GRSF1: variants seen among roughly 807,000 people sequenced by gnomAD.
GRSF1 encodes the protein G-rich sequence factor 1.
A neutral mutation model predicts 51.1 loss-of-function variants in GRSF1; 50 were observed. The observed-to-expected ratio is 0.98, with a 90% CI of 0.78 to 1.24. The LOEUF (loss-of-function observed/expected upper bound fraction) is 1.24, where lower values mean the gene tolerates loss of function less well. Ranked by LOEUF, GRSF1 falls within the 50% of genes most tolerant of loss-of-function variation. The probability of loss-of-function intolerance (pLI) is 0.00; values close to 1 mark genes in which losing one functional copy is unlikely to be tolerated. For missense variants in GRSF1, 700 were observed against 639.7 expected, an observed-to-expected ratio of 1.09 and a Z score of -1.02; for synonymous variants, 293 against 253.3, an observed-to-expected ratio of 1.16 and a Z score of -1.49.
At chr4:70,836,433 A>T in intron 1 of GRSF1, 119 bp from the exon 2 acceptor site, 1 of 741,376 alleles carries the variant, frequency 1.3e-6, no homozygotes. Context: ...TCAGAAGCAA[A>T]AAGTAAACTT....
At position 70,819,523 on chromosome 4, in the gene GRSF1, A is replaced by G. The variant is rs1194465715; in HGVS notation, c.*1364T>C. 1 of 152,232 alleles carries G rather than the reference A, an allele frequency of 6.6e-6. No individual in the cohort carries two copies. The highest frequency in any genetic ancestry group is 1.5e-5 in the Non-Finnish European group (1 of 68,042). 9.4% of individuals were successfully genotyped at this position (152,232 alleles called of 1,614,324 possible). A position where few individuals can be genotyped will look rare whatever the true frequency, so the allele number is the denominator to read the frequency against. The stretch of plus-strand genomic sequence containing the variant: ...ACAGACTCCAATAATAAATACTCTT[A>G]GGTAATCTTCAGCCTGAAACAAGTC... On this transcript the variant is annotated 3_prime_UTR_variant, in exon 10 of 10. Transcript: ENST00000254799.
chr4:70,833,766 A>C (rs1578306010), intron 2 of GRSF1, among the ~76,000 whole-genome samples: 1 of 151,930 alleles, frequency 6.6e-6, no homozygotes, highest in East Asian at 1.9e-4. Flanking sequence ...TAATCCTCCC[A>C]CCTTAGTCTC....
At chr4:70,822,699 G>C (rs116562472) in intron 9 of GRSF1, among the ~76,000 whole-genome samples, 1 of 151,998 alleles carries the variant, frequency 6.6e-6, no homozygotes, top group Non-Finnish European at 1.5e-5. Flanking sequence ...ACGATTTATA[G>C]CTACTAAAGG....
chr4:70,825,499 T>C, intron 7 of GRSF1, 68 bp from the exon 8 acceptor site: 1 of 1,245,624 alleles, frequency 8.0e-7, no homozygotes, highest in Admixed American at 2.5e-5. Context: ...GTCTGGTGGC[T>C]CTTCATCTTT....
In GRSF1 at chr4:70,819,881, T is replaced by C. The variant is rs1733437592; in HGVS notation, c.*1006A>G. ...TAAAGCAGAAAGTACTGCCACATTG[T>C]GACAGAAGTACAGCTTTATCCATAA... On this transcript the variant is annotated 3_prime_UTR_variant, in exon 10 of 10. Transcript: ENST00000254799. 1.3e-5 allele frequency: 2 copies of C among 152,676 alleles called. No individual in the cohort carries two copies. Among genetic ancestry groups the C allele is most frequent in the Non-Finnish European group, 2.9e-5 (2 of 68,048 alleles). 9.5% of individuals were successfully genotyped at this position (152,676 alleles called of 1,614,324 possible).
At chr4:70,839,232 C>T (rs1237480540) in intron 1 of GRSF1, 5 of 1,458,658 alleles carry the variant, frequency 3.4e-6, no homozygotes, top group Non-Finnish European at 4.6e-6. Context: ...ACTTACACTG[C>T]CCAACCGACC....
rs76066065 is a variant in GRSF1, at chr4:70,832,518, T to C, written c.671-68A>G. On this transcript the variant is annotated intron_variant, in intron 3 of 9. Coordinates refer to ENST00000254799, the MANE Select transcript of GRSF1 (RefSeq NM_002092.4). ...AAAGGAACAAACCCATTAAAAAAAATCATTACAACTTGCTGGGTTATCTGA... is the reference window on the plus strand; with the variant it reads ...AAAGGAACAAACCCATTAAAAAAAACCATTACAACTTGCTGGGTTATCTGA... 13 of 866,724 alleles carry C rather than the reference T, an allele frequency of 1.5e-5. No homozygotes were observed. In the South Asian group the frequency reaches 2.0e-4, roughly 13 times the overall value. The allele number at this position is 866,724 out of a possible 1,614,324, so 53.7% of individuals were successfully genotyped here. A position where few individuals can be genotyped will look rare whatever the true frequency, so the allele number is the denominator to read the frequency against.
intron 6 of GRSF1, 119 bp from the exon 7 acceptor site, chr4:70,826,364 C>A: frequency 1.3e-6 from 1 of 792,062 alleles, no homozygotes; most frequent in Non-Finnish European, 1.9e-6. Context: ...GCATTAAAAG[C>A]CAAAATGATC....
intron 3 of GRSF1, among the ~76,000 whole-genome samples, chr4:70,832,856 G>C (rs574122874): frequency 2.6e-5 from 4 of 152,216 alleles, no homozygotes; most frequent in Admixed American, 2.6e-4. Flanking sequence ...GCTGAGACAG[G>C]AGAATTGCTT....
intron 6 of GRSF1, among the ~76,000 whole-genome samples, chr4:70,827,056 G>A (rs1273153682): frequency 3.9e-5 from 6 of 152,148 alleles, no homozygotes; most frequent in Non-Finnish European, 5.9e-5. Context: ...GGGAAGCAGA[G>A]GCCGGCAGAT....
In GRSF1 at chr4:70,820,318, G is replaced by A. The variant is rs776122238; in HGVS notation, c.*569C>T. On this transcript the variant is annotated 3_prime_UTR_variant, in exon 10 of 10. Transcript: ENST00000254799. The stretch of plus-strand genomic sequence containing the variant: ...TTTACACTAAGCTGTGGTATTTTTT[G>A]TTTTGATTTTTAAAAATTCCTATCT... 1.5e-4 allele frequency: 23 copies of A among 152,450 alleles called. No homozygotes were observed. Among genetic ancestry groups the A allele is most frequent in the Non-Finnish European group, 2.9e-4 (20 of 67,964 alleles). The allele number at this position is 152,450 out of a possible 1,614,324, so 9.4% of individuals were successfully genotyped here.
chr4:70,836,905 T>C (rs985575769), intron 1 of GRSF1, among the ~76,000 whole-genome samples: 1 of 152,166 alleles, frequency 6.6e-6, no homozygotes, highest in Non-Finnish European at 1.5e-5. Context: ...ATAACAGCAA[T>C]TAATTCCAAC....
chr4:70,841,132 C>T (rs1243826516), upstream of GRSF1, among the ~76,000 whole-genome samples: 1 of 151,832 alleles, frequency 6.6e-6, no homozygotes, highest in Non-Finnish European at 1.5e-5. Context: ...CCCGTCTATA[C>T]AAAAAATAAA....
In GRSF1 at chr4:70,818,434, TG is replaced by T. The variant is rs1325905746; in HGVS notation, c.*2452del. ...ATGGCACACAATGTTGCCTTCAAACTGGGTTCCTTATGCTTCCCCCTTCAAG... is the reference window on the plus strand; with the variant it reads ...ATGGCACACAATGTTGCCTTCAAACTGGTTCCTTATGCTTCCCCCTTCAAG... On this transcript the variant is annotated 3_prime_UTR_variant, in exon 10 of 10. Transcript: ENST00000254799. 6.6e-6 allele frequency: 1 copy of T among 152,244 alleles called. No individual in the cohort carries two copies. The highest frequency in any genetic ancestry group is 1.5e-5 in the Non-Finnish European group (1 of 68,048). 9.4% of individuals were successfully genotyped at this position (152,244 alleles called of 1,614,324 possible). A position where few individuals can be genotyped will look rare whatever the true frequency, so the allele number is the denominator to read the frequency against.
Position 70,817,885 on chromosome 4 carries a change from AG to A in GRSF1, c.*3001del, listed in dbSNP as rs1733371077. The A allele has an allele frequency of 6.6e-6, 1 of 152,194 alleles. No homozygotes were observed. The highest frequency in any genetic ancestry group is 1.5e-5 in the Non-Finnish European group (1 of 68,032). The allele number at this position is 152,194 out of a possible 1,614,324, so 9.4% of individuals were successfully genotyped here. A position where few individuals can be genotyped will look rare whatever the true frequency, so the allele number is the denominator to read the frequency against. On this transcript the variant is annotated 3_prime_UTR_variant, in exon 10 of 10. Coordinates refer to ENST00000254799, the MANE Select transcript of GRSF1 (RefSeq NM_002092.4). ...TAATTTGCTGAACTTGGGGAGTGGGAGGGTAATGTATTTCTAATGCGATAGC... is the reference window on the plus strand; with the variant it reads ...TAATTTGCTGAACTTGGGGAGTGGGAGGTAATGTATTTCTAATGCGATAGC...
intron 6 of GRSF1, among the ~76,000 whole-genome samples, chr4:70,827,074 G>A (rs1365356547): frequency 2.0e-5 from 3 of 151,990 alleles, no homozygotes; most frequent in Non-Finnish European, 2.9e-5. Context: ...GATCACCTGA[G>A]GTCAGTAGTT....
intron 3 of GRSF1, among the ~76,000 whole-genome samples, chr4:70,832,816 C>T (rs937560062): frequency 3.3e-5 from 5 of 152,162 alleles, no homozygotes; most frequent in African/African-American, 1.2e-4. Flanking sequence ...GGTATCATGG[C>T]ATGTGCCTGT....
intron 5 of GRSF1, among the ~76,000 whole-genome samples, chr4:70,831,197 A>C (rs1733952783): frequency 6.6e-6 from 1 of 152,050 alleles, no homozygotes; most frequent in Non-Finnish European, 1.5e-5. Flanking sequence ...CTCTACTAAA[A>C]ATACAAAAAA....
chr4:70,820,184 T>G lies in GRSF1; in HGVS notation c.*703A>C, dbSNP rs948809681. ...AGGGACAGTTTAGACAACTTTTAAG[T>G]TAAGACTAGAATGCCCCCTTAAGTA... On this transcript the variant is annotated 3_prime_UTR_variant, in exon 10 of 10. Transcript: ENST00000254799. The G allele has an allele frequency of 6.6e-6, 1 of 152,244 alleles. No individual in the cohort carries two copies. The highest frequency in any genetic ancestry group is 1.5e-5 in the Non-Finnish European group (1 of 68,040). The allele number at this position is 152,244 out of a possible 1,614,324, so 9.4% of individuals were successfully genotyped here.
Sources: gnomAD v4.1 joint callset for allele counts (sites outside exome capture counted in the v4.1 genomes callset) on GRCh38, gnomAD v4.1.1 for gene constraint, MANE v1.5 for transcripts, NCBI Gene and HGNC (gene_info 2026-07-23, HGNC 2026-07-21) for gene names.